Variants in SLC25A26 observed in about 807,000 individuals in gnomAD.
The protein encoded by SLC25A26 is solute carrier family 25 member 26.
A neutral mutation model predicts 37.8 loss-of-function variants in SLC25A26; 36 were observed. The ratio of observed to expected loss-of-function variants is 0.95; its 90% CI spans 0.73 to 1.26. SLC25A26 has a LOEUF of 1.26. Ranked by LOEUF, SLC25A26 falls within the 50% of genes most tolerant of loss-of-function variation. SLC25A26 has a pLI of 0.00. For synonymous variants in SLC25A26, 129 were observed against 122.5 expected (o/e 1.05, Z -0.35); for missense variants, 390 against 331.1 (o/e 1.18, Z -1.38).
At chr3:66,209,598 A>AT (rs2071246806) in intron 1 of SLC25A26, among the ~76,000 whole-genome samples, 3 of 137,404 alleles carry the variant, frequency 2.2e-5, no homozygotes, top group South Asian at 2.4e-4. Flanking sequence ...TATATATATA[A>AT]AAGGTATATA....
At position 66,221,003 on chromosome 3, in the gene SLC25A26, A is replaced by G; in HGVS notation, c.-92A>G. 7.3e-7 allele frequency: 1 copy of G among 1,368,090 alleles called. No homozygotes were observed. 84.7% of individuals were successfully genotyped at this position (1,368,090 alleles called of 1,614,324 possible). A position where few individuals can be genotyped will look rare whatever the true frequency, so the allele number is the denominator to read the frequency against. On this transcript the variant is annotated 5_prime_UTR_variant, in exon 1 of 10. Transcript: ENST00000354883. ...ACGTGGTCCCGGAAGTTCAAGACAGACCCGCCTCAAACATGGCGGCGCCCA... is the reference window on the plus strand; with the variant it reads ...ACGTGGTCCCGGAAGTTCAAGACAGGCCCGCCTCAAACATGGCGGCGCCCA...
At chr3:66,141,677 TG>T (rs1227508687) in intron 1 of SLC25A26, among the ~76,000 whole-genome samples, 2 of 152,114 alleles carry the variant, frequency 1.3e-5, no homozygotes, top group Non-Finnish European at 2.9e-5. Flanking sequence ...CACACCCAGC[TG>T]ATTTTTGTAT....
At chr3:66,195,079 C>A (rs2071022293) in intron 1 of SLC25A26, among the ~76,000 whole-genome samples, 4 of 152,204 alleles carry the variant, frequency 2.6e-5, no homozygotes, top group Admixed American at 1.3e-4. Flanking sequence ...GTTTAATGCA[C>A]CCGGAATCCT....
intron 5 of SLC25A26, among the ~76,000 whole-genome samples, chr3:66,308,903 T>C (rs1346612095): frequency 1.3e-5 from 2 of 152,214 alleles, no homozygotes; most frequent in African/African-American, 4.8e-5. Context: ...TCATGGTGGA[T>C]AAGCTTTTTG....
intron 3 of SLC25A26, among the ~76,000 whole-genome samples, chr3:66,245,771 T>C (rs992717815): frequency 1.3e-5 from 2 of 152,120 alleles, no homozygotes; most frequent in Non-Finnish European, 2.9e-5. Context: ...AAAGTAAAAG[T>C]TAACATGAAG....
intron 1 of SLC25A26, among the ~76,000 whole-genome samples, chr3:66,172,410 GAAAAAAAAA>G (rs1199322248): frequency 2.7e-5 from 2 of 75,180 alleles, no homozygotes; most frequent in Non-Finnish European, 5.0e-5. Flanking sequence ...TACCTGTAAA[GAAAAAAAAA>G]AAAAAAAAAA....
intron 5 of SLC25A26, among the ~76,000 whole-genome samples, chr3:66,282,443 GC>G (rs142821943): frequency 0.066 from 9,986 of 152,160 alleles, 366 homozygotes; most frequent in African/African-American, 0.08. Flanking sequence ...ACTGTGCCAG[GC>G]CCCCATTAGT....
intron 7 of SLC25A26, among the ~76,000 whole-genome samples, chr3:66,366,810 C>T (rs1332009684): frequency 2.6e-5 from 4 of 152,118 alleles, no homozygotes; most frequent in Non-Finnish European, 5.9e-5. Flanking sequence ...TGTAGTGGAA[C>T]GAGCATTACT....
chr3:66,179,614 T>C (rs775391516), intron 1 of SLC25A26, among the ~76,000 whole-genome samples: 2 of 152,248 alleles, frequency 1.3e-5, no homozygotes, highest in Non-Finnish European at 2.9e-5. Flanking sequence ...TTACTGGGAA[T>C]AAATCAAGTT....
intron 5 of SLC25A26, among the ~76,000 whole-genome samples, chr3:66,289,219 A>G (rs1038370727): frequency 2.0e-5 from 3 of 152,132 alleles, no homozygotes; most frequent in African/African-American, 4.8e-5. Flanking sequence ...GATTCTGGAT[A>G]TTAGCCCTTT....
intron 1 of SLC25A26, among the ~76,000 whole-genome samples, chr3:66,196,210 T>G (rs2071042306): frequency 6.6e-6 from 1 of 152,212 alleles, no homozygotes; most frequent in Non-Finnish European, 1.5e-5. Context: ...TCCAACTTAT[T>G]TGTTCATAAG....
chr3:66,339,494 A>T (rs1198498385), intron 5 of SLC25A26, among the ~76,000 whole-genome samples: 1 of 151,992 alleles, frequency 6.6e-6, no homozygotes, highest in African/African-American at 2.4e-5. Context: ...CTTGTTCACC[A>T]ACAGTGAACA....
chr3:66,339,437 TGAA>T (rs1227374237), intron 5 of SLC25A26, among the ~76,000 whole-genome samples: 2 of 152,054 alleles, frequency 1.3e-5, no homozygotes, highest in Admixed American at 1.3e-4. Flanking sequence ...TTAATTTTTT[TGAA>T]GAAGAGCCAT....
intron 5 of SLC25A26, among the ~76,000 whole-genome samples, chr3:66,279,972 C>G (rs956034259): frequency 6.6e-6 from 1 of 152,140 alleles, no homozygotes; most frequent in South Asian, 2.1e-4. Context: ...GTAGAGGATA[C>G]CAATAGTATC....
chr3:66,184,942 C>T (rs1240784032), intron 1 of SLC25A26, among the ~76,000 whole-genome samples: 1 of 152,104 alleles, frequency 6.6e-6, no homozygotes, highest in East Asian at 1.9e-4. Flanking sequence ...TATACTGAGT[C>T]TGGCTTTAAA....
At chr3:66,291,289 G>T (rs929325765) in intron 5 of SLC25A26, among the ~76,000 whole-genome samples, 20 of 151,934 alleles carry the variant, frequency 1.3e-4, no homozygotes, top group South Asian at 2.1e-4. Context: ...TTTTTGGGGG[G>T]TTTTTTTGTG....
At chr3:66,208,885 T>TATATATACAC (rs1196757082) in intron 1 of SLC25A26, among the ~76,000 whole-genome samples, 2,186 of 105,552 alleles carry the variant, frequency 0.021, 144 homozygotes, top group Non-Finnish European at 0.033. Flanking sequence ...TATATATATA[T>TATATATACAC]ACACCTTTAT....
chr3:66,335,345 C>A (rs6793050), intron 5 of SLC25A26, among the ~76,000 whole-genome samples: 46,461 of 152,048 alleles, frequency 0.31, 9,912 homozygotes, highest in East Asian at 0.68. Flanking sequence ...GGATGTGTAT[C>A]TGTGCATATT....
rs548348633 is a variant in SLC25A26 at position 66,294,703 on chromosome 3, A to G, written c.453+31324A>G. Among the ~76,000 whole-genome samples, 522 of 152,350 alleles carry G rather than the reference A, an allele frequency of 3.4e-3. 1 individual carries two copies. The highest frequency in any genetic ancestry group is 4.5e-3 in the Admixed American group (69 of 15,300). ...TTAAATAGAACTTTTAAAAAAATTC[A>G]TGTAGCAGTAGGACAAAAGAAAAAG... On this transcript the variant is annotated intron_variant, in intron 5 of 9. Coordinates refer to ENST00000354883, the MANE Select transcript of SLC25A26 (RefSeq NM_001379210.1).
Sources: allele counts gnomAD v4.1 joint callset (sites outside exome capture counted in the v4.1 genomes callset), GRCh38; gene constraint gnomAD v4.1.1; transcripts MANE v1.5; gene names NCBI Gene and HGNC (gene_info 2026-07-23, HGNC 2026-07-21).